Variants in ALPK2 observed in about 807,000 individuals in gnomAD.
The protein encoded by ALPK2 is alpha kinase 2, also known as alpha-protein kinase 2.
Under a neutral mutation model 163.1 loss-of-function variants are expected in ALPK2, and 127 were observed. The observed-to-expected ratio is 0.78, with a 90% confidence interval of 0.67 to 0.90. ALPK2 has a LOEUF of 0.90. Among genes scored for constraint, ALPK2 ranks in the 40% least tolerant of loss-of-function variants. The pLI, the probability that ALPK2 is intolerant of heterozygous loss-of-function variation, is 0.00. For missense variants in ALPK2, 2,360 were observed against 2,589.6 expected, an observed-to-expected ratio of 0.91 and a Z score of 1.92; for synonymous variants, 953 against 959.1, an observed-to-expected ratio of 0.99 and a Z score of 0.12.
At chr18:58,564,185 C>T (rs563580757) in intron 4 of ALPK2, among the ~76,000 whole-genome samples, 8 of 127,276 alleles carry the variant, frequency 6.3e-5, no homozygotes, top group Non-Finnish European at 7.7e-5. Context: ...TGCAGTGGTG[C>T]GATCTCAGCT....
chr18:58,564,158 T>G (rs1237106046), intron 4 of ALPK2, among the ~76,000 whole-genome samples: 1 of 110,392 alleles, frequency 9.1e-6, no homozygotes, highest in Non-Finnish European at 1.8e-5. Flanking sequence ...GTTTCGCTCT[T>G]GTCGCCCAGG....
chr18:58,590,126 C>A (rs2052007298), intron 3 of ALPK2, among the ~76,000 whole-genome samples: 1 of 150,098 alleles, frequency 6.7e-6, no homozygotes, highest in Non-Finnish European at 1.5e-5. Flanking sequence ...GAGGCTGAGG[C>A]AGGAGAGTCG....
intron 4 of ALPK2, among the ~76,000 whole-genome samples, chr18:58,568,409 G>A (rs776819784): frequency 1.3e-5 from 2 of 152,148 alleles, no homozygotes; most frequent in Non-Finnish European, 2.9e-5. Flanking sequence ...CCCTACTCAG[G>A]GGAGGTGGAA....
chr18:58,503,324 A>G (rs543771931), intron 11 of ALPK2, among the ~76,000 whole-genome samples: 2 of 152,338 alleles, frequency 1.3e-5, no homozygotes, highest in African/African-American at 4.8e-5. Flanking sequence ...GTTTAGGCCT[A>G]TTGAGGATAG....
At chr18:58,525,540 A>G (rs183698288) in intron 6 of ALPK2, among the ~76,000 whole-genome samples, 1 of 152,336 alleles carries the variant, frequency 6.6e-6, no homozygotes. Flanking sequence ...TACTTGGCCC[A>G]GAACCACGAA....
chr18:58,585,529 G>A (rs1476092608), intron 3 of ALPK2, among the ~76,000 whole-genome samples: 1 of 152,122 alleles, frequency 6.6e-6, no homozygotes, highest in Non-Finnish European at 1.5e-5. Flanking sequence ...ACACATCAAT[G>A]TATTGGGAAA....
chr18:58,597,833 G>T (rs189789526), intron 3 of ALPK2, among the ~76,000 whole-genome samples: 80 of 152,348 alleles, frequency 5.3e-4, no homozygotes, highest in Admixed American at 1.1e-3. Context: ...TTTAGATGAG[G>T]TCACAAGGGT....
chr18:58,529,090 C>T lies in ALPK2; in HGVS notation c.5501+1G>A. ...AAAGTAACCAGGGAAAAACATCGCA[C>T]CTTCTCTGCACTTGGGCTATGGACT... On this transcript the variant is annotated splice_donor_variant, in intron 6 of 12. Coordinates refer to ENST00000361673, the MANE Select transcript of ALPK2 (RefSeq NM_052947.4). LOFTEE classifies it high-confidence loss of function. The T allele has an allele frequency of 6.2e-7, 1 of 1,614,106 alleles. No homozygotes were observed. Among genetic ancestry groups the T allele is most frequent in the Non-Finnish European group, 8.5e-7 (1 of 1,179,984 alleles).
In ALPK2 at chr18:58,538,170, A is replaced by G. The variant is rs1483045003; in HGVS notation, c.2017T>C (p.Phe673Leu). The change falls in exon 5 of 13, where the codon TTC (phenylalanine) becomes CTC (leucine). Residue 673 changes from phenylalanine (F) to leucine (L), a missense_variant. By Grantham distance (22) the Phe-to-Leu change is conservative (BLOSUM62 0). Coordinates refer to ENST00000361673, the MANE Select transcript of ALPK2 (RefSeq NM_052947.4). Reference protein sequence around the residue: ...ETISCSQMPAFSEPAGEESPF... With the variant: ...ETISCSQMPALSEPAGEESPF... ...GACTCCTCCCCAGCAGGCTCTGAGA[A>G]AGCTGGCATCTGGCTGCAAGAGATT... The G allele has an allele frequency of 6.2e-7, 1 of 1,613,636 alleles. No individual in the cohort carries two copies. The highest frequency in any genetic ancestry group is 1.7e-5 in the Admixed American group (1 of 60,028).
chr18:58,524,614 G>T (rs187848469), intron 6 of ALPK2, among the ~76,000 whole-genome samples: 51 of 152,280 alleles, frequency 3.3e-4, no homozygotes, highest in African/African-American at 1.2e-3. Context: ...ACTAAAACTG[G>T]TGGTGGTGGT....
intron 4 of ALPK2, among the ~76,000 whole-genome samples, chr18:58,565,062 G>T (rs951549447): frequency 6.6e-6 from 1 of 152,148 alleles, no homozygotes; most frequent in African/African-American, 2.4e-5. Context: ...GGCATAAATT[G>T]TATCGTATTG....
At chr18:58,552,091 TA>T (rs1040020343) in intron 4 of ALPK2, among the ~76,000 whole-genome samples, 1 of 151,350 alleles carries the variant, frequency 6.6e-6, no homozygotes, top group Non-Finnish European at 1.5e-5. Context: ...ATCATCACTT[TA>T]AAAAAAAATG....
At chr18:58,586,949 A>G (rs2071524944) in intron 3 of ALPK2, among the ~76,000 whole-genome samples, 1 of 152,082 alleles carries the variant, frequency 6.6e-6, no homozygotes, top group Non-Finnish European at 1.5e-5. Context: ...TAAGGCTGTG[A>G]GCAGCCTTCC....
chr18:58,488,471 A>G (rs1229879672), intron 12 of ALPK2, among the ~76,000 whole-genome samples: 1 of 146,972 alleles, frequency 6.8e-6, no homozygotes, highest in Non-Finnish European at 1.5e-5. Context: ...CGTGCTGGAC[A>G]ATGTATTGGC....
rs570123293 is a variant in ALPK2, at chr18:58,597,841, G to C, written c.227+9481C>G. ...GATATGGTTTAGATGAGGTCACAAG[G>C]GTGGGGCCCTCATGACAGGATTAGT... On this transcript the variant is annotated intron_variant, in intron 3 of 12. Transcript: ENST00000361673. Among the ~76,000 whole-genome samples the C allele has an allele frequency of 1.1e-4, 17 of 152,300 alleles. 1 individual carries two copies. The South Asian group carries it at 3.5e-3, about 32-fold the overall frequency.
intron 3 of ALPK2, among the ~76,000 whole-genome samples, chr18:58,584,051 C>A (rs2051973650): frequency 1.3e-5 from 2 of 152,156 alleles, no homozygotes; most frequent in South Asian, 4.1e-4. Flanking sequence ...TGGAGAAAAT[C>A]ATTGAGTTAA....
chr18:58,524,835 A>G (rs1007380853), intron 6 of ALPK2, among the ~76,000 whole-genome samples: 6 of 152,000 alleles, frequency 3.9e-5, no homozygotes, highest in African/African-American at 1.4e-4. Context: ...TTTTGACTTC[A>G]TTAAGCTGCC....
chr18:58,529,961 A>C (rs1453236295), intron 5 of ALPK2, among the ~76,000 whole-genome samples: 1 of 152,226 alleles, frequency 6.6e-6, no homozygotes. Flanking sequence ...AGAACAAGAC[A>C]AGGATGAGGC....
rs1375241309 is a variant in ALPK2 at position 58,523,956 on chromosome 18, C to T, written c.5608G>A (p.Glu1870Lys). The T allele has an allele frequency of 6.2e-7, 1 of 1,614,180 alleles. No individual in the cohort carries two copies. The highest frequency in any genetic ancestry group is 8.5e-7 in the Non-Finnish European group (1 of 1,180,026). The part of the protein sequence containing the change: ...IKNSYGKVTA[E>K]FNLTAEVLKQ... ...TTACCTTCAGCTGTGAGGTTAAATT[C>T]AGCAGTCACTTTTCCGTAGCTGTTC... The change falls in exon 7 of 13, where the codon GAA (glutamate) becomes AAA (lysine). Residue 1870 changes from glutamate to lysine, a missense_variant. Coordinates refer to ENST00000361673, the MANE Select transcript of ALPK2 (RefSeq NM_052947.4).
Sources: gnomAD v4.1 joint callset for allele counts (sites outside exome capture counted in the v4.1 genomes callset) on GRCh38, gnomAD v4.1.1 for gene constraint, MANE v1.5 for transcripts, NCBI Gene and HGNC (gene_info 2026-07-23, HGNC 2026-07-21) for gene names.